Variants in DPP10 observed in about 807,000 individuals in gnomAD.
DPP10 encodes the protein dipeptidyl peptidase like 10.
In DPP10, 33 loss-of-function variants were observed where a neutral mutation model predicts 120.9. That is an observed-to-expected ratio of 0.27 (90% CI 0.21 to 0.37). The LOEUF is 0.37. DPP10 is among the 10% of genes least tolerant of loss of function. DPP10 has a pLI of 1.00. For synonymous variants in DPP10, 337 were observed against 326.1 expected, an observed-to-expected ratio of 1.03 and a Z score of -0.36; for missense variants, 816 against 942.8, an observed-to-expected ratio of 0.87 and a Z score of 1.76.
intron 1 of DPP10, among the ~76,000 whole-genome samples, chr2:115,132,136 G>C (rs2050394673): frequency 6.6e-6 from 1 of 152,076 alleles, no homozygotes; most frequent in African/African-American, 2.4e-5. Context: ...TGTTGTAAGA[G>C]TTAAGCTTTA....
chr2:115,623,329 A>G (rs2085115953), intron 5 of DPP10, among the ~76,000 whole-genome samples: 1 of 152,132 alleles, frequency 6.6e-6, no homozygotes, highest in Admixed American at 6.5e-5. Context: ...TTTACAAGTG[A>G]TTGGCGTATG....
At chr2:114,724,618 G>C (rs1486183540) in intron 1 of DPP10, among the ~76,000 whole-genome samples, 2 of 152,180 alleles carry the variant, frequency 1.3e-5, no homozygotes, top group African/African-American at 4.8e-5. Context: ...TGTTCACTTT[G>C]AGGTAGAGTT....
At position 114,944,972 on chromosome 2, in the gene DPP10, G is replaced by A. The variant is rs561129668; in HGVS notation, c.61-364267G>A. Reference sequence around the variant, plus strand: ...TGCTCTTTGAAAAAGGAGCAAAGATGTTGCTGCAATGGAGAAAAGGTTAGT... The same window carrying A: ...TGCTCTTTGAAAAAGGAGCAAAGATATTGCTGCAATGGAGAAAAGGTTAGT... On this transcript the variant is annotated intron_variant, in intron 1 of 25. Transcript: ENST00000410059. Among the ~76,000 whole-genome samples the A allele has an allele frequency of 6.6e-5, 10 of 152,304 alleles. No individual in the cohort carries two copies. In the East Asian group the frequency reaches 1.9e-3, roughly 29 times the overall value.
intron 1 of DPP10, among the ~76,000 whole-genome samples, chr2:114,872,987 C>T (rs1209242761): frequency 6.6e-6 from 1 of 152,180 alleles, no homozygotes; most frequent in Non-Finnish European, 1.5e-5. Flanking sequence ...AACGGCTTCG[C>T]CACATGGAAA....
intron 1 of DPP10, among the ~76,000 whole-genome samples, chr2:114,564,717 AG>A (rs909299577): frequency 1.8e-4 from 27 of 152,204 alleles, no homozygotes; most frequent in Non-Finnish European, 3.4e-4. Flanking sequence ...GAGGTAGATG[AG>A]TGAAGGAAGA....
intron 5 of DPP10, chr2:115,526,227 T>A (rs543640277): frequency 8.2e-6 from 3 of 367,018 alleles, no homozygotes; most frequent in African/African-American, 6.3e-5. Flanking sequence ...CAGAGGAGAA[T>A]GTGGCAGAGT....
chr2:115,628,542 T>G (rs2085558947), intron 5 of DPP10, among the ~76,000 whole-genome samples: 2 of 152,300 alleles, frequency 1.3e-5, no homozygotes, highest in South Asian at 2.1e-4. Flanking sequence ...TTTGTTAATT[T>G]TTTCTTTTGT....
chr2:115,688,943 G>GT (rs1316317444), intron 5 of DPP10, among the ~76,000 whole-genome samples: 2 of 152,066 alleles, frequency 1.3e-5, no homozygotes, highest in Non-Finnish European at 2.9e-5. Flanking sequence ...ACATGCATTA[G>GT]TTTTTTTCCT....
At position 115,473,208 on chromosome 2, in the gene DPP10, C is replaced by T. The variant is rs144913167; in HGVS notation, c.272-26302C>T. Among the ~76,000 whole-genome samples the T allele has an allele frequency of 3.9e-3, 598 of 152,222 alleles. 3 individuals are homozygous for T. Among genetic ancestry groups the T allele is most frequent in the Admixed American group, 6.7e-3 (103 of 15,280 alleles). ...TAAAATTATGAATGGGATCATGCCT[C>T]ATACATAGTAGATGCCTAATAATTA... On this transcript the variant is annotated intron_variant, in intron 3 of 25. Transcript: ENST00000410059.
intron 5 of DPP10, among the ~76,000 whole-genome samples, chr2:115,628,097 C>T (rs934857435): frequency 6.6e-6 from 1 of 152,000 alleles, no homozygotes; most frequent in Non-Finnish European, 1.5e-5. Context: ...AATTGCCATG[C>T]TGTCTTCCAC....
intron 1 of DPP10, among the ~76,000 whole-genome samples, chr2:115,152,362 A>G (rs2051612735): frequency 6.6e-6 from 1 of 152,230 alleles, no homozygotes. Flanking sequence ...TCTCTGGTCC[A>G]TAGGAATTTC....
At chr2:114,903,137 C>A (rs2106634733) in intron 1 of DPP10, among the ~76,000 whole-genome samples, 1 of 152,058 alleles carries the variant, frequency 6.6e-6, no homozygotes, top group Non-Finnish European at 1.5e-5. Context: ...GAGCTCATTT[C>A]TTTTTAGTCA....
intron 3 of DPP10, among the ~76,000 whole-genome samples, chr2:115,469,135 C>T (rs2074524215): frequency 6.6e-6 from 1 of 151,830 alleles, no homozygotes. Context: ...CCATGTTGGC[C>T]AGGCTGGTCT....
chr2:115,740,984 G>A (rs969342826), intron 9 of DPP10, among the ~76,000 whole-genome samples: 7 of 152,106 alleles, frequency 4.6e-5, no homozygotes, highest in South Asian at 2.1e-4. Context: ...GTTTTCTGCC[G>A]TTTAATTCAT....
intron 1 of DPP10, among the ~76,000 whole-genome samples, chr2:114,584,410 T>G (rs939980958): frequency 6.6e-6 from 1 of 152,132 alleles, no homozygotes; most frequent in Non-Finnish European, 1.5e-5. Flanking sequence ...TTATTATTAT[T>G]ATACTTTAAG....
chr2:115,410,652 T>C (rs1213644545), intron 3 of DPP10, among the ~76,000 whole-genome samples: 1 of 152,174 alleles, frequency 6.6e-6, no homozygotes, highest in South Asian at 2.1e-4. Flanking sequence ...AATGATATAA[T>C]GGACTGAGGA....
chr2:114,751,949 C>T (rs949193452), intron 1 of DPP10, among the ~76,000 whole-genome samples: 1 of 152,168 alleles, frequency 6.6e-6, no homozygotes, highest in Non-Finnish European at 1.5e-5. Flanking sequence ...TGGCATGGGG[C>T]CTAAGACATG....
rs2079212815 is a variant in DPP10, at chr2:115,542,180, A to T, written c.441+16208A>T. Among the ~76,000 whole-genome samples, 6 of 151,940 alleles carry T rather than the reference A, an allele frequency of 3.9e-5. No homozygotes were observed. In the South Asian group the frequency reaches 1.2e-3, roughly 31 times the overall value. On this transcript the variant is annotated intron_variant, in intron 5 of 25. Transcript: ENST00000410059. Reference sequence around the variant, plus strand: ...AACTACCGCTACCATCACAACTGAGATACAGAACTGCTCTGTCACCACAAC... The same window carrying T: ...AACTACCGCTACCATCACAACTGAGTTACAGAACTGCTCTGTCACCACAAC...
At chr2:114,950,829 T>A (rs1486824245) in intron 1 of DPP10, among the ~76,000 whole-genome samples, 1 of 152,142 alleles carries the variant, frequency 6.6e-6, no homozygotes, top group East Asian at 1.9e-4. Context: ...GGAAAAACAA[T>A]ATATGACAAT....
Sources: gnomAD v4.1 joint callset for allele counts (sites outside exome capture counted in the v4.1 genomes callset) on GRCh38, gnomAD v4.1.1 for gene constraint, MANE v1.5 for transcripts, NCBI Gene and HGNC (gene_info 2026-07-23, HGNC 2026-07-21) for gene names.